LYST: variants seen among roughly 807,000 people sequenced by gnomAD.
LYST encodes the protein lysosomal-trafficking regulator.
Under a neutral mutation model 413.6 loss-of-function variants are expected in LYST, and 192 were observed. The ratio of observed to expected loss-of-function variants is 0.46; its 90% CI spans 0.41 to 0.52. LYST has a LOEUF of 0.52. Among genes scored for constraint, LYST ranks in the 20% least tolerant of loss-of-function variants. The pLI is 0.00. For missense variants in LYST, 3,815 were observed against 4,499.9 expected (o/e 0.85, Z 4.35); for synonymous variants, 1,525 against 1,567.3 (o/e 0.97, Z 0.64).
At chr1:235,715,638 C>T (rs1436911896) in intron 41 of LYST, among the ~76,000 whole-genome samples, 1 of 152,092 alleles carries the variant, frequency 6.6e-6, no homozygotes, top group Non-Finnish European at 1.5e-5. Context: ...GAGCACTCCA[C>T]CTCCTAACTA....
chr1:235,875,673 C>T (rs1431755111), intron 1 of LYST, among the ~76,000 whole-genome samples: 1 of 152,138 alleles, frequency 6.6e-6, no homozygotes, highest in Non-Finnish European at 1.5e-5. Flanking sequence ...TGGCAAGACC[C>T]TATCTCTACA....
intron 22 of LYST, among the ~76,000 whole-genome samples, chr1:235,761,534 T>C (rs2103364765): frequency 6.6e-6 from 1 of 152,288 alleles, no homozygotes; most frequent in South Asian, 2.1e-4. Context: ...GTATTGATTC[T>C]GAACATACCT....
At chr1:235,784,084 T>C (rs1224974555) in intron 14 of LYST, among the ~76,000 whole-genome samples, 2 of 152,250 alleles carry the variant, frequency 1.3e-5, no homozygotes, top group South Asian at 2.1e-4. Flanking sequence ...TTTTCCATGT[T>C]GCCCAGGTTG....
intron 38 of LYST, among the ~76,000 whole-genome samples, chr1:235,724,972 C>T (rs1193153114): frequency 6.6e-6 from 1 of 152,176 alleles, no homozygotes. Flanking sequence ...TATGCACATA[C>T]CCCAGTTTCA....
intron 8 of LYST, among the ~76,000 whole-genome samples, chr1:235,802,524 G>C (rs1672357869): frequency 1.3e-5 from 2 of 152,132 alleles, no homozygotes; most frequent in Non-Finnish European, 2.9e-5. Context: ...TTTTCATTTA[G>C]TCCTCAATGT....
At position 235,759,597 on chromosome 1, in the gene LYST, C is replaced by G; in HGVS notation, c.6256G>C (p.Glu2086Gln). The change falls in exon 23 of 53, where the codon GAG (glutamate) becomes CAG (glutamine). Residue 2086 changes from glutamate to glutamine, a missense_variant and splice_region_variant. Physicochemically the swap from Glu to Gln is conservative, Grantham distance 29. Around this residue, in one of 4 missense-constraint regions of LYST, gnomAD observed 530 missense variants for 696.5 expected, o/e 0.76. Coordinates refer to ENST00000389793, the MANE Select transcript of LYST (RefSeq NM_000081.4). Reference protein sequence around the residue: ...SGFTASPYEGENSSNIIPQQM... With the variant: ...SGFTASPYEGQNSSNIIPQQM... Reference sequence around the variant, plus strand: ...TGTGGAATAATATTAGAGGAATTCTCTCCTGGTAAGAGTAGATACAAAAAT... The same window carrying G: ...TGTGGAATAATATTAGAGGAATTCTGTCCTGGTAAGAGTAGATACAAAAAT... 1 of 1,611,798 alleles carries G rather than the reference C, an allele frequency of 6.2e-7. No homozygotes were observed. Among genetic ancestry groups the G allele is most frequent in the South Asian group, 1.1e-5 (1 of 91,026 alleles).
intron 1 of LYST, among the ~76,000 whole-genome samples, chr1:235,857,521 C>A (rs1489579294): frequency 6.6e-6 from 1 of 151,764 alleles, no homozygotes; most frequent in Admixed American, 6.6e-5. Context: ...CAAAGGAAAG[C>A]ACAAAGAAAG....
At chr1:235,759,645 G>A (rs1354319017) in intron 22 of LYST, 46 bp from the exon 23 acceptor site, 5 of 1,369,326 alleles carry the variant, frequency 3.7e-6, no homozygotes, top group Non-Finnish European at 5.2e-6. Context: ...TCTATTAAGT[G>A]GAACCACCTC....
chr1:235,782,263 G>A (rs1259490830), intron 14 of LYST, among the ~76,000 whole-genome samples, 176 bp from the exon 15 acceptor site: 2 of 151,486 alleles, frequency 1.3e-5, no homozygotes, highest in Non-Finnish European at 2.9e-5. Context: ...CCGCCTCCTG[G>A]GTTCACACCA....
At chr1:235,736,063 T>C (rs1664791704) in intron 31 of LYST, 1 of 152,190 alleles carries the variant, frequency 6.6e-6, no homozygotes, top group African/African-American at 2.4e-5. Context: ...TTTTTATTCA[T>C]TGTGAATATC....
At chr1:235,841,142 T>C (rs1329454809) in intron 1 of LYST, among the ~76,000 whole-genome samples, 4 of 152,214 alleles carry the variant, frequency 2.6e-5, no homozygotes, top group Non-Finnish European at 5.9e-5. Context: ...CATTCCAATT[T>C]CAGCAATGCT....
Position 235,697,250 on chromosome 1 carries a change from C to T in LYST, c.10397G>A (p.Gly3466Asp). ...ACCCACGTATTCCCCCCATTTCAAG[C>T]CTTTTATCCATGACAAAGGACTCTA... ...TYPSPLSWIK[G>D]LKWGEYVGSP... The change falls in exon 46 of 53, where the codon GGC becomes GAC. Residue 3466 changes from glycine to aspartate, a missense_variant. By Grantham distance (94) the Gly-to-Asp change is moderately conservative (BLOSUM62 -1). Coordinates refer to ENST00000389793, the MANE Select transcript of LYST (RefSeq NM_000081.4). 6.2e-7 allele frequency: 1 copy of T among 1,613,690 alleles called. No individual in the cohort carries two copies. Among genetic ancestry groups the T allele is most frequent in the Non-Finnish European group, 8.5e-7 (1 of 1,179,818 alleles).
At chr1:235,823,180 C>T (rs1230334874) in intron 3 of LYST, among the ~76,000 whole-genome samples, 1 of 152,156 alleles carries the variant, frequency 6.6e-6, no homozygotes, top group East Asian at 1.9e-4. Context: ...GGGAATAATT[C>T]AATGAATTAT....
intron 37 of LYST, among the ~76,000 whole-genome samples, chr1:235,728,810 C>A (rs1327537936): frequency 6.6e-6 from 1 of 152,154 alleles, no homozygotes; most frequent in Non-Finnish European, 1.5e-5. Context: ...GGGGCTCAGT[C>A]CCAGCAGGCT....
chr1:235,793,920 C>A (rs539160952), intron 10 of LYST, among the ~76,000 whole-genome samples: 24 of 152,204 alleles, frequency 1.6e-4, no homozygotes, highest in African/African-American at 5.8e-4. Flanking sequence ...GCAACCTCCA[C>A]CTCCCAGGTT....
chr1:235,667,404 T>G (rs1658581663), intron 50 of LYST, among the ~76,000 whole-genome samples: 1 of 152,196 alleles, frequency 6.6e-6, no homozygotes, highest in African/African-American at 2.4e-5. Context: ...TTTTCACAGT[T>G]TAATACATTT....
intron 1 of LYST, among the ~76,000 whole-genome samples, chr1:235,877,242 C>T (rs1423052919): frequency 1.3e-5 from 2 of 152,208 alleles, no homozygotes; most frequent in Non-Finnish European, 2.9e-5. Flanking sequence ...CACCACACAC[C>T]AGCCATGACA....
In LYST at chr1:235,751,301, G is replaced by T. The variant is rs767740055; in HGVS notation, c.7689C>A (p.Thr2563=). 43 of 1,613,220 alleles carry T rather than the reference G, an allele frequency of 2.7e-5. No homozygotes were observed. Among genetic ancestry groups the T allele is most frequent in the Non-Finnish European group, 3.6e-5 (42 of 1,179,372 alleles). The change falls in exon 28 of 53, where the codon ACC becomes ACA. Residue 2563 remains threonine, a synonymous_variant. Coordinates refer to ENST00000389793, the MANE Select transcript of LYST (RefSeq NM_000081.4). ...TGAGGTTTTCAGAGTCATGATTTGC[G>T]GTGGTCCTTATAAATTCCATAGCAG... ...LQAAMEFIRT[T]ANHDSENLTD... is the part of the protein sequence containing the mutation.
intron 12 of LYST, among the ~76,000 whole-genome samples, chr1:235,789,491 A>T (rs1245341046): frequency 6.6e-6 from 1 of 152,150 alleles, no homozygotes; most frequent in East Asian, 1.9e-4. Flanking sequence ...CTGCCTGAAG[A>T]TGTATGATGA....
Sources: gnomAD v4.1 joint callset for allele counts (sites outside exome capture counted in the v4.1 genomes callset) on GRCh38, gnomAD v4.1.1 for gene constraint, gnomAD v4.1.1 regional missense constraint, MANE v1.5 for transcripts, NCBI Gene and HGNC (gene_info 2026-07-23, HGNC 2026-07-21) for gene names.